Variants in CSMD3 observed in about 807,000 individuals in gnomAD.
CSMD3 encodes the protein CUB and Sushi multiple domains 3.
Under a neutral mutation model 435.2 loss-of-function variants are expected in CSMD3, and 177 were observed. The ratio of observed to expected loss-of-function variants is 0.41; its 90% CI spans 0.36 to 0.46. The LOEUF (loss-of-function observed/expected upper bound fraction) is 0.46, where lower values mean the gene tolerates loss of function less well. CSMD3 is among the 20% of genes least tolerant of loss of function. CSMD3 has a pLI of 0.34. For missense variants in CSMD3, 4,265 were observed against 4,504.6 expected, an observed-to-expected ratio of 0.95 and a Z score of 1.52; for synonymous variants, 1,656 against 1,520.5, an observed-to-expected ratio of 1.09 and a Z score of -2.07.
At chr8:112,991,696 A>G (rs1036336160) in intron 6 of CSMD3, among the ~76,000 whole-genome samples, 3 of 151,882 alleles carry the variant, frequency 2.0e-5, no homozygotes, top group Admixed American at 6.6e-5. Flanking sequence ...TGTGTTGTGT[A>G]GAAAACAAAA....
In CSMD3 at chr8:113,237,621, T is replaced by C. The variant is rs143341712; in HGVS notation, c.514+40971A>G. 8.4e-3 allele frequency among the ~76,000 whole-genome samples: 1,267 copies of C among 151,098 alleles called. 18 individuals carry two copies. The highest frequency in any genetic ancestry group is 0.029 in the African/African-American group (1,187 of 40,640). ...ATCAGCAGCTTGATTCCAGTTGGTC[T>C]CTAGATGAATTACTCAGATTGTTTA... On this transcript the variant is annotated intron_variant, in intron 3 of 70. Coordinates refer to ENST00000297405, the MANE Select transcript of CSMD3 (RefSeq NM_198123.2).
At chr8:112,718,217 T>C (rs1238731291) in intron 13 of CSMD3, among the ~76,000 whole-genome samples, 1 of 152,136 alleles carries the variant, frequency 6.6e-6, no homozygotes, top group Non-Finnish European at 1.5e-5. Flanking sequence ...TTTCTCCTCC[T>C]GTTTTGTAGT....
chr8:113,267,599 T>G (rs1330908332), intron 3 of CSMD3, among the ~76,000 whole-genome samples: 2 of 151,256 alleles, frequency 1.3e-5, no homozygotes, highest in Non-Finnish European at 3.0e-5. Context: ...GAAGGGTGAA[T>G]GGGGAAGAAG....
In CSMD3 at chr8:113,278,717, G is replaced by T. The variant is rs1479994215; in HGVS notation, c.402-13C>A. On this transcript the variant is annotated splice_polypyrimidine_tract_variant and intron_variant, in intron 2 of 70. Coordinates refer to ENST00000297405, the MANE Select transcript of CSMD3 (RefSeq NM_198123.2). ...GAATCCTGTTAACCTAAAACAAAAT[G>T]GAATTAATTGTTAGAGACATAATCA... 1.7e-6 allele frequency: 2 copies of T among 1,166,402 alleles called. No homozygotes were observed. Among genetic ancestry groups the T allele is most frequent in the Non-Finnish European group, 2.6e-6 (2 of 772,136 alleles). 72.3% of individuals were successfully genotyped at this position (1,166,402 alleles called of 1,614,324 possible). A position where few individuals can be genotyped will look rare whatever the true frequency, so the allele number is the denominator to read the frequency against.
At chr8:112,540,509 T>C (rs189223297) in intron 27 of CSMD3, among the ~76,000 whole-genome samples, 4 of 152,086 alleles carry the variant, frequency 2.6e-5, no homozygotes, top group African/African-American at 9.6e-5. Flanking sequence ...CTATTCACAA[T>C]AACGAAGGTA....
rs73704704 is a variant in CSMD3, at chr8:113,436,662, C to G, written c.178+15G>C. 368 of 1,613,998 alleles carry G rather than the reference C, an allele frequency of 2.3e-4. 1 individual carries two copies. The African/African-American group carries it at 4.5e-3, about 20-fold the overall frequency. On this transcript the variant is annotated intron_variant, in intron 1 of 70. Coordinates refer to ENST00000297405, the MANE Select transcript of CSMD3 (RefSeq NM_198123.2). ...CCTCCATCCAAAGCGGAGGGGACCC[C>G]CAAAGCAGACCTACCTTTCACACAA...
At chr8:112,999,411 C>G (rs1329061982) in intron 6 of CSMD3, among the ~76,000 whole-genome samples, 3 of 151,612 alleles carry the variant, frequency 2.0e-5, no homozygotes, top group Non-Finnish European at 2.9e-5. Context: ...TGAGGACCAG[C>G]AAGGATGCCA....
At chr8:112,355,823 AGTCT>A (rs956997576) in intron 38 of CSMD3, among the ~76,000 whole-genome samples, 17 of 152,120 alleles carry the variant, frequency 1.1e-4, no homozygotes, top group African/African-American at 4.1e-4. Flanking sequence ...ACAGAGCTGG[AGTCT>A]GTCAAAAAAA....
At chr8:113,376,819 T>C (rs2094386869) in intron 1 of CSMD3, 1 of 1,613,448 alleles carries the variant, frequency 6.2e-7, no homozygotes, top group Non-Finnish European at 8.5e-7. Context: ...GCTGAAGAGG[T>C]TGTTTATGAG....
chr8:112,818,485 G>T (rs569117873), intron 12 of CSMD3, among the ~76,000 whole-genome samples: 21 of 152,152 alleles, frequency 1.4e-4, no homozygotes, highest in Non-Finnish European at 2.9e-4. Flanking sequence ...AAGCAAAAAG[G>T]AATTCACAGA....
intron 14 of CSMD3, among the ~76,000 whole-genome samples, chr8:112,687,598 ATC>A (rs570197549): frequency 3.3e-5 from 5 of 152,160 alleles, no homozygotes; most frequent in Non-Finnish European, 5.9e-5. Context: ...CAACAGATAT[ATC>A]TCTCTTTATA....
intron 28 of CSMD3, among the ~76,000 whole-genome samples, chr8:112,509,661 T>C (rs1822893268): frequency 6.6e-6 from 1 of 152,164 alleles, no homozygotes. Context: ...TCTAGTGTCT[T>C]TATACAGACT....
At chr8:112,840,809 G>A (rs1217399894) in intron 11 of CSMD3, among the ~76,000 whole-genome samples, 2 of 151,500 alleles carry the variant, frequency 1.3e-5, no homozygotes, top group Non-Finnish European at 1.5e-5. Flanking sequence ...AGTTTTGGAG[G>A]TTAAGTTAAA....
intron 10 of CSMD3, among the ~76,000 whole-genome samples, chr8:112,886,175 A>G (rs1183376558): frequency 6.6e-6 from 1 of 151,654 alleles, no homozygotes; most frequent in Non-Finnish European, 1.5e-5. Context: ...AATCTTTAAT[A>G]TAAATATCAT....
chr8:113,278,038 C>T (rs955932404), intron 3 of CSMD3, among the ~76,000 whole-genome samples: 1 of 151,916 alleles, frequency 6.6e-6, no homozygotes, highest in Non-Finnish European at 1.5e-5. Flanking sequence ...CATTTGGCAT[C>T]AGGTTTTGAT....
At chr8:113,278,847 T>C (rs1271774035) in intron 2 of CSMD3, 143 bp from the exon 3 acceptor site, 4 of 608,152 alleles carry the variant, frequency 6.6e-6, no homozygotes, top group African/African-American at 1.8e-5. Flanking sequence ...AGCCAACACC[T>C]TGATTTCAGC....
At chr8:112,647,765 C>T (rs1034399431) in intron 19 of CSMD3, among the ~76,000 whole-genome samples, 1 of 152,100 alleles carries the variant, frequency 6.6e-6, no homozygotes, top group Admixed American at 6.5e-5. Flanking sequence ...TTTTCATCAA[C>T]CTAATGACAT....
rs1343528302 is a variant in CSMD3 at position 113,029,172 on chromosome 8, G to A, written c.918-9993C>T. 2.6e-5 allele frequency among the ~76,000 whole-genome samples: 4 copies of A among 151,512 alleles called. No homozygotes were observed. The East Asian group carries it at 5.8e-4, about 22-fold the overall frequency. ...ACTCAAAAATAGTCCAGGACCATAT[G>A]GATTCACAGCAGAATTCTACCAGAC... On this transcript the variant is annotated intron_variant, in intron 5 of 70. Transcript: ENST00000297405.
At chr8:112,932,551 T>C (rs1362366647) in intron 9 of CSMD3, among the ~76,000 whole-genome samples, 3 of 151,746 alleles carry the variant, frequency 2.0e-5, no homozygotes, top group Non-Finnish European at 4.4e-5. Flanking sequence ...GGCAGAAGAA[T>C]GGCATGAACC....
Sources: gnomAD v4.1 joint callset for allele counts (sites outside exome capture counted in the v4.1 genomes callset) on GRCh38, gnomAD v4.1.1 for gene constraint, MANE v1.5 for transcripts, NCBI Gene and HGNC (gene_info 2026-07-23, HGNC 2026-07-21) for gene names.